Variants in SPMIP6 observed in about 807,000 individuals in gnomAD.
The protein encoded by SPMIP6 is ciliated bronchial epithelial protein 1.
the SPMIP6 span, among the ~76,000 whole-genome samples, chr9:34,384,858 G>GCAAGA: frequency 1.3e-5 from 2 of 152,216 alleles, no homozygotes; most frequent in Non-Finnish European, 2.9e-5. Context: ...CGAGAACCTA[G>GCAAGA]GCTGTTGAGA....
the SPMIP6 span, chr9:34,385,872 G>A: frequency 7.2e-7 from 1 of 1,382,038 alleles, no homozygotes; most frequent in Non-Finnish European, 9.9e-7. Flanking sequence ...CTCTTGAGAA[G>A]GTCAGCCCAG....
the SPMIP6 span, among the ~76,000 whole-genome samples, chr9:34,392,062 G>GGTTT: frequency 6.6e-6 from 1 of 151,958 alleles, no homozygotes; most frequent in African/African-American, 2.4e-5. This position sits in a 1 kb window ranked among gnomAD's most constrained non-coding sequence, Gnocchi z 4.6. Flanking sequence ...AGGCTGGCAT[G>GGTTT]GTTTGTTTGT....
the SPMIP6 span, among the ~76,000 whole-genome samples, chr9:34,389,436 C>G: frequency 6.6e-6 from 1 of 152,192 alleles, no homozygotes; most frequent in African/African-American, 2.4e-5. Context: ...ATTTCTTGAA[C>G]TTTTGCCCTT....
the SPMIP6 span, chr9:34,382,794 C>T: frequency 6.2e-7 from 1 of 1,614,028 alleles, no homozygotes; most frequent in South Asian, 1.1e-5. Context: ...CTTGTTGCAG[C>T]AGCTGCTGTT....
At chr9:34,379,591 C>A in the SPMIP6 span, 3 of 1,500,190 alleles carry the variant, frequency 2.0e-6, no homozygotes, top group South Asian at 3.4e-5. The surrounding 1 kb of genome is among the most constrained non-coding windows in gnomAD (Gnocchi z 4.2). Context: ...CCCAGCCCCG[C>A]CTCACCAAGC....
chr9:34,380,916 G>T, the SPMIP6 span: 2 of 1,589,350 alleles, frequency 1.3e-6, no homozygotes, highest in Admixed American at 1.7e-5. Flanking sequence ...GGTTGCTCCC[G>T]GCACCAAGGC....
the SPMIP6 span, chr9:34,380,774 C>T: frequency 6.5e-7 from 1 of 1,546,248 alleles, no homozygotes; most frequent in Non-Finnish European, 8.7e-7. Context: ...CGAGAGCGTG[C>T]AGCGCGGGGC....
the SPMIP6 span, among the ~76,000 whole-genome samples, chr9:34,395,818 A>C: frequency 0.76 from 115,613 of 152,090 alleles, 44,631 homozygotes; most frequent in Non-Finnish European, 0.84. Flanking sequence ...CTAATCTCTC[A>C]CCTTACCATC....
the SPMIP6 span, among the ~76,000 whole-genome samples, chr9:34,390,430 A>C: frequency 2.6e-5 from 4 of 152,188 alleles, no homozygotes; most frequent in Non-Finnish European, 4.4e-5. Flanking sequence ...TGTACAGTTC[A>C]AGAATTTTTA....
the SPMIP6 span, among the ~76,000 whole-genome samples, chr9:34,391,963 A>G: frequency 1.3e-5 from 2 of 152,152 alleles, no homozygotes; most frequent in Non-Finnish European, 2.9e-5. Flanking sequence ...ACAATCTAAT[A>G]TGGTATATTT....
the SPMIP6 span, chr9:34,381,139 C>T: frequency 6.4e-7 from 1 of 1,574,092 alleles, no homozygotes; most frequent in South Asian, 1.2e-5. This position sits in a 1 kb window ranked among gnomAD's most constrained non-coding sequence, Gnocchi z 4.4. Flanking sequence ...GCTCTGCTCC[C>T]GCGGGTCCCC....
the SPMIP6 span, among the ~76,000 whole-genome samples, chr9:34,386,587 C>CA: frequency 1.4e-3 from 181 of 127,096 alleles, no homozygotes; most frequent in African/African-American, 1.9e-3. Flanking sequence ...GACTTCGTCT[C>CA]AAAAAAAAAA....
At chr9:34,386,377 C>T in the SPMIP6 span, among the ~76,000 whole-genome samples, 5 of 152,080 alleles carry the variant, frequency 3.3e-5, no homozygotes, top group African/African-American at 4.8e-5. Context: ...AGGCGGATCA[C>T]GAGATCAAGA....
the SPMIP6 span, chr9:34,381,742 G>T: frequency 7.7e-7 from 1 of 1,303,360 alleles, no homozygotes; most frequent in East Asian, 3.0e-5. The surrounding 1 kb of genome is among the most constrained non-coding windows in gnomAD (Gnocchi z 4.4). Flanking sequence ...AGCTGACTCT[G>T]TTTAGCTGTG....
the SPMIP6 span, among the ~76,000 whole-genome samples, chr9:34,394,846 G>A: frequency 7.2e-5 from 11 of 152,242 alleles, no homozygotes; most frequent in Non-Finnish European, 1.5e-4. Context: ...TCATCTCCAT[G>A]AGACTCCAAC....
the SPMIP6 span, chr9:34,382,701 G>T: frequency 8.8e-7 from 1 of 1,135,214 alleles, no homozygotes; most frequent in Non-Finnish European, 1.3e-6. Flanking sequence ...TTGGGAGGTG[G>T]TGGGGTATGC....
chr9:34,388,140 G>T, the SPMIP6 span, among the ~76,000 whole-genome samples: 1 of 69,916 alleles, frequency 1.4e-5, no homozygotes. Flanking sequence ...GAGTTTAACT[G>T]CTTTTTTTTT....
At chr9:34,379,508 C>A in the SPMIP6 span, 1 of 800,208 alleles carries the variant, frequency 1.2e-6, no homozygotes. This position sits in a 1 kb window ranked among gnomAD's most constrained non-coding sequence, Gnocchi z 4.2. Flanking sequence ...CTCCATGCCA[C>A]TAGCTCCCCC....
chr9:34,382,720 G>T, the SPMIP6 span: 1 of 1,433,632 alleles, frequency 7.0e-7, no homozygotes, highest in East Asian at 2.3e-5. Flanking sequence ...GCGTGTCCCA[G>T]TCCCCAGACG....
Sources: allele counts gnomAD v4.1 joint callset (sites outside exome capture counted in the v4.1 genomes callset), GRCh38; gene constraint gnomAD v4.1.1; non-coding constraint Gnocchi (gnomAD v3.1); transcripts MANE v1.5; gene names NCBI Gene and HGNC (gene_info 2026-07-23, HGNC 2026-07-21).